The following MEIOSIN variants were observed in gnomAD, a reference collection of about 807,000 sequenced individuals.
MEIOSIN encodes meiosis initiator.
MEIOSIN carries 18 observed loss-of-function variants against 23.4 expected under a neutral mutation model. The ratio of observed to expected loss-of-function variants is 0.77; its 90% CI spans 0.53 to 1.14. MEIOSIN has a LOEUF of 1.14. MEIOSIN is among the 50% of genes most tolerant of loss of function. The pLI is 0.00. For synonymous variants in MEIOSIN, 187 were observed against 100.6 expected, an observed-to-expected ratio of 1.86 and a Z score of -5.14; for missense variants, 428 against 242.9, an observed-to-expected ratio of 1.76 and a Z score of -5.07.
At chr19:45,744,524 T>C (rs1169871978) in intron 3 of MEIOSIN, among the ~76,000 whole-genome samples, 1 of 151,844 alleles carries the variant, frequency 6.6e-6, no homozygotes, top group Non-Finnish European at 1.5e-5. Context: ...TTTTGTTTTG[T>C]TTTTCTCCTG....
At position 45,753,803 on chromosome 19, in the gene MEIOSIN, T is replaced by A; in HGVS notation, c.556+15T>A. ...CCAGGCATCAGGTACAAGCTGTCAC[T>A]GGAGGCAGAACTAGAAGCCCAGGTC... On this transcript the variant is annotated intron_variant, in intron 6 of 14. Coordinates refer to ENST00000457052, the MANE Select transcript of MEIOSIN (RefSeq NM_001310124.2). 1 of 698,578 alleles carries A rather than the reference T, an allele frequency of 1.4e-6. No individual in the cohort carries two copies. Among genetic ancestry groups the A allele is most frequent in the Non-Finnish European group, 2.6e-6 (1 of 382,944 alleles). The allele number at this position is 698,578 out of a possible 1,614,324, so 43.3% of individuals were successfully genotyped here.
chr19:45,759,469 G>A lies in MEIOSIN; in HGVS notation c.1224G>A (p.Thr408=), dbSNP rs750047101. 20 of 703,290 alleles carry A rather than the reference G, an allele frequency of 2.8e-5. No individual in the cohort carries two copies. The highest frequency in any genetic ancestry group is 1.4e-4 in the African/African-American group (8 of 57,232). The allele number at this position is 703,290 out of a possible 1,614,324, so 43.6% of individuals were successfully genotyped here. Residue 408 remains threonine, a synonymous_variant, in exon 11 of 15, where the codon ACG becomes ACA. Transcript: ENST00000457052. ...TGGAGTCTTCACCTTCAGCCTACAC[G>A]CAGGAGGCTCCACAGGAAAAGGTAG... The part of the protein sequence containing the change: ...LDLESSPSAY[T]QEAPQEKDTA...
rs1393750271 is a variant in MEIOSIN, at chr19:45,757,231, C to T, written c.966C>T (p.Asp322=). The part of the protein sequence containing the change: ...SSEDVDKGSL[D]ADPWLPAWTP... ...AGGATGTGGACAAAGGGTCCCTAGA[C>T]GCTGACCCTTGGCTCCCTGCCTGGA... Residue 322 remains aspartate, a synonymous_variant, in exon 9 of 15, where the codon GAC becomes GAT. Coordinates refer to ENST00000457052, the MANE Select transcript of MEIOSIN (RefSeq NM_001310124.2). The T allele has an allele frequency of 1.8e-5, 13 of 702,896 alleles. No individual in the cohort carries two copies. Among genetic ancestry groups the T allele is most frequent in the Non-Finnish European group, 3.1e-5 (12 of 384,982 alleles). 43.5% of individuals were successfully genotyped at this position (702,896 alleles called of 1,614,324 possible). A position where few individuals can be genotyped will look rare whatever the true frequency, so the allele number is the denominator to read the frequency against.
At chr19:45,742,671 T>C (rs571041173) in intron 3 of MEIOSIN, among the ~76,000 whole-genome samples, 3 of 151,834 alleles carry the variant, frequency 2.0e-5, no homozygotes, top group African/African-American at 7.2e-5. Context: ...CCCAGCTACT[T>C]GGGAGACTGA....
rs1371033807 is a variant in MEIOSIN at position 45,764,339 on chromosome 19, T to C, written c.*221T>C. The C allele has an allele frequency of 2.3e-5, 9 of 391,460 alleles. No homozygotes were observed. The highest frequency in any genetic ancestry group is 4.1e-5 in the Non-Finnish European group (9 of 221,972). The allele number at this position is 391,460 out of a possible 1,614,324, so 24.2% of individuals were successfully genotyped here. On this transcript the variant is annotated 3_prime_UTR_variant, in exon 15 of 15. Transcript: ENST00000457052. ...AGCTGCCTTGATTCTCCCCCAGGCTTAGGAAGGAAACCCAAAATGAAATGC... is the reference window on the plus strand; with the variant it reads ...AGCTGCCTTGATTCTCCCCCAGGCTCAGGAAGGAAACCCAAAATGAAATGC...
chr19:45,753,327 CTG>C (rs371609412), intron 5 of MEIOSIN, among the ~76,000 whole-genome samples: 40 of 152,246 alleles, frequency 2.6e-4, no homozygotes, highest in African/African-American at 9.4e-4. Context: ...GAGACCCTCA[CTG>C]TGTTGAGGAA....
rs1393730516 is a variant in MEIOSIN, at chr19:45,761,976, GCGAAGAGGA to G, written c.1479_1487del (p.Glu493_Glu495del). 1 of 560,704 alleles carries G rather than the reference GCGAAGAGGA, an allele frequency of 1.8e-6. No individual in the cohort carries two copies. The highest frequency in any genetic ancestry group is 3.2e-6 in the Non-Finnish European group (1 of 313,690). The allele number at this position is 560,704 out of a possible 1,614,324, so 34.7% of individuals were successfully genotyped here. On this transcript the variant is annotated inframe_deletion, in exon 13 of 15. Coordinates refer to ENST00000457052, the MANE Select transcript of MEIOSIN (RefSeq NM_001310124.2). ...AACCCTGTGGGCACGCCGGGCTCCAGCGAAGAGGACGAAGACACCACATGGACCCCCACC... is the reference window on the plus strand; with the variant it reads ...AACCCTGTGGGCACGCCGGGCTCCAGCGAAGACACCACATGGACCCCCACC...
In MEIOSIN at chr19:45,763,068, G is replaced by GC. The variant is rs199837823; in HGVS notation, c.1680-262dup. Among the ~76,000 whole-genome samples, 1,008 of 151,976 alleles carry GC rather than the reference G, an allele frequency of 6.6e-3. 12 individuals are homozygous for GC. The highest frequency in any genetic ancestry group is 0.023 in the African/African-American group (951 of 41,450). On this transcript the variant is annotated intron_variant, in intron 13 of 14. Coordinates refer to ENST00000457052, the MANE Select transcript of MEIOSIN (RefSeq NM_001310124.2). ...AGGCCTGGAGCCAGGGGATGGGGAGGCCCCCCCCAAGCCACAGTGGAAAAC... is the reference window on the plus strand; with the variant it reads ...AGGCCTGGAGCCAGGGGATGGGGAGGCCCCCCCCCAAGCCACAGTGGAAAAC...
chr19:45,760,691 G>A (rs1968920222), intron 11 of MEIOSIN, among the ~76,000 whole-genome samples: 1 of 152,044 alleles, frequency 6.6e-6, no homozygotes, highest in Admixed American at 6.6e-5. Flanking sequence ...CACTTTGGGA[G>A]GCTGAGGCGG....
chr19:45,745,759 A>G (rs1968582788), intron 4 of MEIOSIN, among the ~76,000 whole-genome samples: 1 of 152,052 alleles, frequency 6.6e-6, no homozygotes, highest in Non-Finnish European at 1.5e-5. Flanking sequence ...TTTAGTAGAG[A>G]CAGGGTTTCA....
chr19:45,736,537 G>A (rs1225301920), intron 2 of MEIOSIN, among the ~76,000 whole-genome samples: 1 of 149,322 alleles, frequency 6.7e-6, no homozygotes, highest in Admixed American at 6.7e-5. Context: ...TAATTTTTTT[G>A]TGTGTATTTT....
At chr19:45,759,116 C>G in intron 10 of MEIOSIN, 83 bp downstream of exon 10, 2 of 686,536 alleles carry the variant, frequency 2.9e-6, no homozygotes, top group South Asian at 1.5e-5. Flanking sequence ...TCCTGGGTGC[C>G]CGGGGTGAAT....
At chr19:45,743,817 C>T (rs1968545897) in intron 3 of MEIOSIN, among the ~76,000 whole-genome samples, 1 of 152,072 alleles carries the variant, frequency 6.6e-6, no homozygotes, top group Non-Finnish European at 1.5e-5. Context: ...CCACCATGCC[C>T]AGCCAACTTT....
intron 4 of MEIOSIN, among the ~76,000 whole-genome samples, chr19:45,750,367 T>TTTTC (rs1968678491): frequency 6.9e-6 from 1 of 144,794 alleles, no homozygotes; most frequent in African/African-American, 2.5e-5. Flanking sequence ...TTTCTTTTTT[T>TTTTC]TTTTTTTTTT....
chr19:45,753,498 C>T (rs1025725719), intron 5 of MEIOSIN, among the ~76,000 whole-genome samples, 153 bp from the exon 6 acceptor site: 2 of 152,172 alleles, frequency 1.3e-5, no homozygotes, highest in African/African-American at 4.8e-5. Flanking sequence ...CCTGACTGAG[C>T]GGCCTTGGAT....
In MEIOSIN at chr19:45,756,773, C is replaced by A. The variant is rs367666346; in HGVS notation, c.912-404C>A. Among the ~76,000 whole-genome samples the A allele has an allele frequency of 2.9e-3, 438 of 152,218 alleles. 5 individuals are homozygous for A. Among genetic ancestry groups the A allele is most frequent in the African/African-American group, 9.9e-3 (412 of 41,510 alleles). ...ACCTTCAGTGGCCCCCAACTCACCT[C>A]GTCAGCCCTCTCTCCTGCCCTTCAC... On this transcript the variant is annotated intron_variant, in intron 8 of 14. Coordinates refer to ENST00000457052, the MANE Select transcript of MEIOSIN (RefSeq NM_001310124.2).
intron 5 of MEIOSIN, among the ~76,000 whole-genome samples, chr19:45,753,014 C>A (rs373352308): frequency 2.0e-5 from 3 of 151,590 alleles, no homozygotes; most frequent in Non-Finnish European, 2.9e-5. Flanking sequence ...AGCTCCACCC[C>A]CTGGGTTCAA....
Position 45,761,744 on chromosome 19 carries a change from G to C in MEIOSIN, c.1311G>C (p.Ser437=). Residue 437 remains serine (S), a synonymous_variant, in exon 12 of 15, where the codon TCG becomes TCC. Transcript: ENST00000457052. ...ESHSLHRSSV[S]LDHCYLSLSG... ...ACAGCCTGCACCGGTCCTCAGTCTC[G>C]CTGGACCACTGCTACCTCTCGCTGA... The C allele has an allele frequency of 1.4e-6, 1 of 702,924 alleles. No individual in the cohort carries two copies. 43.5% of individuals were successfully genotyped at this position (702,924 alleles called of 1,614,324 possible). A position where few individuals can be genotyped will look rare whatever the true frequency, so the allele number is the denominator to read the frequency against.
rs567324660 is a variant in MEIOSIN, at chr19:45,744,683, C to T, written c.177-509C>T. ...AGTGCAGTGATGCAATCTTGGCTCA[C>T]TGCAACTTCCACCTCCCGGGTTCAA... On this transcript the variant is annotated intron_variant, in intron 3 of 14. Transcript: ENST00000457052. 1.5e-4 allele frequency among the ~76,000 whole-genome samples: 22 copies of T among 151,506 alleles called. 1 individual carries two copies. The South Asian group carries it at 4.4e-3, about 30-fold the overall frequency.
Sources: gnomAD v4.1 joint callset for allele counts (sites outside exome capture counted in the v4.1 genomes callset) on GRCh38, gnomAD v4.1.1 for gene constraint, MANE v1.5 for transcripts, NCBI Gene and HGNC (gene_info 2026-07-23, HGNC 2026-07-21) for gene names.